Variants in PXK observed in about 807,000 individuals in gnomAD.
PXK encodes PX domain-containing protein kinase-like protein.
A neutral mutation model predicts 84.7 loss-of-function variants in PXK; 35 were observed. The ratio of observed to expected loss-of-function variants is 0.41; its 90% CI spans 0.32 to 0.55. PXK has a LOEUF of 0.55. Ranked by LOEUF, PXK falls within the 20% of genes least tolerant of loss-of-function variation. The pLI, the probability that PXK is intolerant of heterozygous loss-of-function variation, is 0.21. For missense variants in PXK, 634 were observed against 699.7 expected (o/e 0.91, Z 1.06); for synonymous variants, 253 against 260.8 (o/e 0.97, Z 0.29).
At chr3:58,388,365 C>T (rs1192299296) in intron 4 of PXK, among the ~76,000 whole-genome samples, 4 of 152,126 alleles carry the variant, frequency 2.6e-5, no homozygotes, top group East Asian at 1.9e-4. Context: ...TAGGGAATTC[C>T]GTGTCACTGT....
chr3:58,391,826 C>G lies in PXK; in HGVS notation c.594C>G (p.Ile198Met), dbSNP rs2098634653. Residue 198 changes from isoleucine to methionine, a missense_variant, in exon 7 of 18, where the codon ATC becomes ATG. Transcript: ENST00000356151. Reference sequence around the variant, plus strand: ...CAGATAAAGATTTTCAGTGTCTAATCAAACTTCTGCCTTCTTGTTTGGTGA... The same window carrying G: ...CAGATAAAGATTTTCAGTGTCTAATGAAACTTCTGCCTTCTTGTTTGGTGA... The part of the protein sequence containing the change: ...YLSDKDFQCL[I>M]KLLPSCLHPY... 1 of 1,612,480 alleles carries G rather than the reference C, an allele frequency of 6.2e-7. No individual in the cohort carries two copies. The highest frequency in any genetic ancestry group is 8.5e-7 in the Non-Finnish European group (1 of 1,178,524).
At chr3:58,336,061 ATATATATATAT>A (rs1254557763) in intron 1 of PXK, among the ~76,000 whole-genome samples, 63 of 57,872 alleles carry the variant, frequency 1.1e-3, no homozygotes, top group African/African-American at 4.0e-3. Context: ...ATATATATAT[ATATATATATAT>A]TTTTTTTTTT....
intron 17 of PXK, 90 bp from the exon 18 acceptor site, chr3:58,424,662 C>T: frequency 1.3e-6 from 2 of 1,497,462 alleles, no homozygotes; most frequent in Non-Finnish European, 1.8e-6. Context: ...TGTGGACTCT[C>T]ACCAGTCCGT....
intron 17 of PXK, chr3:58,420,987 T>G: frequency 9.9e-7 from 1 of 1,011,210 alleles, no homozygotes; most frequent in South Asian, 4.0e-5. Flanking sequence ...GACAACTTAC[T>G]GGCTTTTATA....
chr3:58,338,089 C>T (rs1281906142), intron 1 of PXK, among the ~76,000 whole-genome samples: 1 of 152,090 alleles, frequency 6.6e-6, no homozygotes. Context: ...CACTTGTAAT[C>T]CCAGCACTTT....
intron 1 of PXK, among the ~76,000 whole-genome samples, chr3:58,336,491 G>A (rs1199049085): frequency 6.6e-6 from 1 of 152,172 alleles, no homozygotes; most frequent in Admixed American, 6.5e-5. Flanking sequence ...AAATCAGAAA[G>A]GCTAGTATTT....
intron 1 of PXK, among the ~76,000 whole-genome samples, chr3:58,342,650 A>AG (rs1430431110): frequency 2.7e-5 from 4 of 146,174 alleles, no homozygotes; most frequent in African/African-American, 1.0e-4. Flanking sequence ...AAAAAAAAAA[A>AG]AGAAAAGAAA....
intron 1 of PXK, among the ~76,000 whole-genome samples, chr3:58,348,121 G>A (rs558384022): frequency 6.6e-6 from 1 of 152,278 alleles, no homozygotes; most frequent in African/African-American, 2.4e-5. Flanking sequence ...TGTTGGCCAG[G>A]CTGGTCTTGA....
At chr3:58,380,056 G>A (rs1180844923) in intron 3 of PXK, among the ~76,000 whole-genome samples, 1 of 152,028 alleles carries the variant, frequency 6.6e-6, no homozygotes, top group African/African-American at 2.4e-5. Flanking sequence ...TGAAAAAATA[G>A]GAGTTTCAGT....
chr3:58,412,791 C>A lies in PXK; in HGVS notation c.1466-110C>A. 1.8e-6 allele frequency: 2 copies of A among 1,102,164 alleles called. No individual in the cohort carries two copies. Among genetic ancestry groups the A allele is most frequent in the Non-Finnish European group, 2.8e-6 (2 of 719,992 alleles). The allele number at this position is 1,102,164 out of a possible 1,614,324, so 68.3% of individuals were successfully genotyped here. ...CCTCATCATCTTGTTTCACAAGGCT[C>A]ACACACTAAGCCAAATGTAGATTCT... On this transcript the variant is annotated intron_variant, in intron 16 of 17. Coordinates refer to ENST00000356151, the MANE Select transcript of PXK (RefSeq NM_017771.5). The surrounding 1 kb of genome is among the most constrained non-coding windows in gnomAD (Gnocchi z 6.2).
chr3:58,417,811 A>G (rs2061215602), intron 17 of PXK, among the ~76,000 whole-genome samples: 1 of 151,680 alleles, frequency 6.6e-6, no homozygotes, highest in Admixed American at 6.6e-5. Flanking sequence ...ATTCCCTCCC[A>G]CCCTCCTTTG....
rs1470413705 is a variant in PXK, at chr3:58,333,167, G to A, written c.102+77G>A. 4.6e-6 allele frequency: 4 copies of A among 871,694 alleles called. No homozygotes were observed. Among genetic ancestry groups the A allele is most frequent in the East Asian group, 2.2e-4 (2 of 9,152 alleles). The allele number at this position is 871,694 out of a possible 1,614,324, so 54.0% of individuals were successfully genotyped here. On this transcript the variant is annotated intron_variant, in intron 1 of 17. Transcript: ENST00000356151. This position sits in a 1 kb window ranked among gnomAD's most constrained non-coding sequence, Gnocchi z 5.4. ...GGGGGCTGCGGGCTGCCTGGCGCGGGCCGGGCAGGGTCGTCGGACGGAGAC... is the reference window on the plus strand; with the variant it reads ...GGGGGCTGCGGGCTGCCTGGCGCGGACCGGGCAGGGTCGTCGGACGGAGAC...
chr3:58,369,346 A>G, intron 2 of PXK, 85 bp from the exon 3 acceptor site: 1 of 1,079,752 alleles, frequency 9.3e-7, no homozygotes, highest in Non-Finnish European at 1.4e-6. Flanking sequence ...GAGTGCCAAT[A>G]TTACTAATTC....
At chr3:58,365,774 G>A (rs1474583386) in intron 1 of PXK, 100 bp from the exon 2 acceptor site, 1 of 944,434 alleles carries the variant, frequency 1.1e-6, no homozygotes, top group Non-Finnish European at 1.5e-6. Context: ...TTGCTCTGAA[G>A]TCTACTTTAT....
At position 58,424,829 on chromosome 3, in the gene PXK, C is replaced by T. The variant is rs1173988863; in HGVS notation, c.1606C>T (p.Pro536Ser). 3.1e-6 allele frequency: 5 copies of T among 1,614,114 alleles called. No homozygotes were observed. Among genetic ancestry groups the T allele is most frequent in the Admixed American group, 1.7e-5 (1 of 60,012 alleles). The change falls in exon 18 of 18, where the codon CCT becomes TCT. Residue 536 changes from proline to serine, a missense_variant. This residue lies in a region of PXK where 273 missense variants were observed against 283.6 expected (regional missense o/e 0.96). Transcript: ENST00000356151. ...APLPPASTEAPAQLSSQAVNG... is the reference protein window; with the variant it reads ...APLPPASTEASAQLSSQAVNG... ...CTTGCCTCCTGCGAGCACCGAGGCA[C>T]CTGCCCAGCTCTCGTCTCAGGCTGT...
rs1439105400 is a variant in PXK at position 58,370,384 on chromosome 3, A to G, written c.201+906A>G. Among the ~76,000 whole-genome samples, 11 of 152,218 alleles carry G rather than the reference A, an allele frequency of 7.2e-5. No individual in the cohort carries two copies. The highest frequency in any genetic ancestry group is 1.2e-4 in the Non-Finnish European group (8 of 68,042). ...CTTTAGCACCTTAGGAAGTCCTGCCAATACCCGCCATGTCTTCACTTGGCA... is the reference window on the plus strand; with the variant it reads ...CTTTAGCACCTTAGGAAGTCCTGCCGATACCCGCCATGTCTTCACTTGGCA... On this transcript the variant is annotated intron_variant, in intron 3 of 17. Transcript: ENST00000356151. This position sits in a 1 kb window ranked among gnomAD's most constrained non-coding sequence, Gnocchi z 4.2.
intron 4 of PXK, among the ~76,000 whole-genome samples, chr3:58,384,335 C>T (rs1346320265): frequency 6.6e-6 from 1 of 152,186 alleles, no homozygotes. Flanking sequence ...GATGTACCTG[C>T]CATTTCCTAA....
chr3:58,365,962 A>T, intron 2 of PXK, 38 bp downstream of exon 2: 1 of 1,511,622 alleles, frequency 6.6e-7, no homozygotes, highest in Admixed American at 2.1e-5. Context: ...AATTAGAAAA[A>T]TATTTAAATG....
intron 4 of PXK, among the ~76,000 whole-genome samples, chr3:58,389,999 C>CAA (rs61380830): frequency 8.9e-3 from 458 of 51,286 alleles, no homozygotes; most frequent in African/African-American, 0.014. Context: ...AACTCCGTCT[C>CAA]AAAAAAAAAA....
Sources: allele counts gnomAD v4.1 joint callset (sites outside exome capture counted in the v4.1 genomes callset), GRCh38; gene constraint gnomAD v4.1.1; regional missense constraint gnomAD v4.1.1; non-coding constraint Gnocchi (gnomAD v3.1); transcripts MANE v1.5; gene names NCBI Gene and HGNC (gene_info 2026-07-23, HGNC 2026-07-21).